Variants in CNTN4 observed in about 807,000 individuals in gnomAD.
CNTN4 encodes the protein contactin-4.
Under a neutral mutation model 122.5 loss-of-function variants are expected in CNTN4, and 77 were observed. The ratio of observed to expected loss-of-function variants is 0.63; its 90% CI spans 0.52 to 0.76. The LOEUF (loss-of-function observed/expected upper bound fraction) is 0.76. Ranked by LOEUF, CNTN4 falls within the 30% of genes least tolerant of loss-of-function variation. The pLI is 0.00. For synonymous variants in CNTN4, 512 were observed against 447.0 expected (o/e 1.15, Z -1.83); for missense variants, 1,256 against 1,259.1 (o/e 1.00, Z 0.04).
At chr3:2,109,232 A>G (rs968675211) in intron 2 of CNTN4, among the ~76,000 whole-genome samples, 1 of 152,162 alleles carries the variant, frequency 6.6e-6, no homozygotes, top group Non-Finnish European at 1.5e-5. Context: ...CCCTAAGTAC[A>G]TATTTTCATT....
chr3:2,477,711 A>G (rs1393404722), intron 3 of CNTN4, among the ~76,000 whole-genome samples: 6 of 152,198 alleles, frequency 3.9e-5, no homozygotes, highest in Admixed American at 3.9e-4. Flanking sequence ...TGCGGGGAGA[A>G]CACAGATGAT....
At chr3:2,827,682 A>G (rs775662016) in intron 7 of CNTN4, among the ~76,000 whole-genome samples, 1 of 152,202 alleles carries the variant, frequency 6.6e-6, no homozygotes, top group Non-Finnish European at 1.5e-5. Flanking sequence ...TTTACAGTTA[A>G]GGTAAACTCT....
At chr3:2,192,065 T>G (rs899518613) in intron 2 of CNTN4, among the ~76,000 whole-genome samples, 2 of 151,918 alleles carry the variant, frequency 1.3e-5, no homozygotes, top group Non-Finnish European at 2.9e-5. Context: ...GAACTCATCC[T>G]TTTTTATGGC....
intron 3 of CNTN4, among the ~76,000 whole-genome samples, chr3:2,475,704 T>A (rs2075817632): frequency 6.6e-6 from 1 of 152,174 alleles, no homozygotes; most frequent in Admixed American, 6.5e-5. Flanking sequence ...CTGCCCTATA[T>A]TAACAACAGT....
At chr3:2,656,040 G>C (rs2083572830) in intron 4 of CNTN4, among the ~76,000 whole-genome samples, 1 of 152,162 alleles carries the variant, frequency 6.6e-6, no homozygotes, top group Non-Finnish European at 1.5e-5. Context: ...GAATGGAAAA[G>C]ATAAGAATGT....
rs2093063814 is a variant in CNTN4, at chr3:2,829,782, A to G, written c.454+10201A>G. Among the ~76,000 whole-genome samples the G allele has an allele frequency of 2.0e-5, 3 of 152,356 alleles. No individual in the cohort carries two copies. The South Asian group carries it at 6.2e-4, about 32-fold the overall frequency. The stretch of plus-strand genomic sequence containing the variant: ...CGTTTCCTGGTCATAGAAAAATTAT[A>G]GTCTTTTTATAGCTGAGCTTCCAGT... On this transcript the variant is annotated intron_variant, in intron 7 of 24. Transcript: ENST00000418658.
chr3:2,565,223 G>A (rs1249757472), intron 3 of CNTN4, among the ~76,000 whole-genome samples: 1 of 152,090 alleles, frequency 6.6e-6, no homozygotes, highest in Non-Finnish European at 1.5e-5. Context: ...GGTCCCTTAT[G>A]TCTTCCCCTC....
chr3:3,040,867 C>T lies in CNTN4; in HGVS notation c.2398+596C>T, dbSNP rs11915199. ...ACTTGAACCCAGGAGGCGGAGGTTGCGGTGAGCCGAGATCGCACCACTGCA... is the reference window on the plus strand; with the variant it reads ...ACTTGAACCCAGGAGGCGGAGGTTGTGGTGAGCCGAGATCGCACCACTGCA... On this transcript the variant is annotated intron_variant, in intron 20 of 24. Transcript: ENST00000418658. 6.5e-3 allele frequency among the ~76,000 whole-genome samples: 985 copies of T among 151,552 alleles called. 12 individuals are homozygous for T. Among genetic ancestry groups the T allele is most frequent in the African/African-American group, 0.021 (879 of 41,250 alleles).
At chr3:3,047,674 A>C (rs1700808017) in intron 23 of CNTN4, among the ~76,000 whole-genome samples, 1 of 150,286 alleles carries the variant, frequency 6.7e-6, no homozygotes, top group Non-Finnish European at 1.5e-5. Context: ...AAGAGAAAGC[A>C]GGAAAGATCT....
rs150018321 is a variant in CNTN4 at position 2,155,465 on chromosome 3, A to T, written c.-145+54826A>T. On this transcript the variant is annotated intron_variant, in intron 2 of 24. Transcript: ENST00000418658. ...GATAAGAACAGAGGGCACCTACAAC[A>T]ATCTATGTATTACAGAACACAGCTC... is the stretch of plus-strand genomic sequence containing the variant. Among the ~76,000 whole-genome samples the T allele has an allele frequency of 7.8e-3, 1,178 of 151,964 alleles. 17 individuals are homozygous for T. The highest frequency in any genetic ancestry group is 0.027 in the African/African-American group (1,104 of 41,448).
chr3:2,360,738 ACT>A (rs1340727131), intron 3 of CNTN4, among the ~76,000 whole-genome samples: 4 of 152,028 alleles, frequency 2.6e-5, no homozygotes, highest in African/African-American at 9.7e-5. Flanking sequence ...TCTCGTGAGA[ACT>A]CTCTCACTAT....
At chr3:2,915,739 G>A (rs764035202) in intron 12 of CNTN4, among the ~76,000 whole-genome samples, 7 of 152,194 alleles carry the variant, frequency 4.6e-5, no homozygotes, top group Non-Finnish European at 8.8e-5. Flanking sequence ...CCTGAAGAGA[G>A]ATTTGCACAC....
intron 4 of CNTN4, among the ~76,000 whole-genome samples, chr3:2,646,613 G>C (rs560118786): frequency 6.6e-6 from 1 of 152,158 alleles, no homozygotes; most frequent in Non-Finnish European, 1.5e-5. Flanking sequence ...CTATTAGTAA[G>C]TGTAAGAGTG....
intron 4 of CNTN4, among the ~76,000 whole-genome samples, chr3:2,625,445 C>G (rs2082146913): frequency 6.6e-6 from 1 of 152,204 alleles, no homozygotes; most frequent in Non-Finnish European, 1.5e-5. Flanking sequence ...ACCATTAGCT[C>G]TGAAATTTCC....
rs982234636 is a variant in CNTN4 at position 2,832,595 on chromosome 3, T to A, written c.454+13014T>A. Reference sequence around the variant, plus strand: ...TATAGACAGAACAGCTGTATGTAAGTCTGGAGTGGAGAGGTTGTCAAAAGA... The same window carrying A: ...TATAGACAGAACAGCTGTATGTAAGACTGGAGTGGAGAGGTTGTCAAAAGA... On this transcript the variant is annotated intron_variant, in intron 7 of 24. Coordinates refer to ENST00000418658, the MANE Select transcript of CNTN4 (RefSeq NM_175607.3). Among the ~76,000 whole-genome samples the A allele has an allele frequency of 3.3e-5, 5 of 152,110 alleles. No individual in the cohort carries two copies. The South Asian group carries it at 1.0e-3, about 31-fold the overall frequency.
intron 3 of CNTN4, among the ~76,000 whole-genome samples, chr3:2,488,564 C>A (rs1440049061): frequency 6.6e-6 from 1 of 152,104 alleles, no homozygotes; most frequent in Non-Finnish European, 1.5e-5. Context: ...ACTGGAGGAA[C>A]TGGGTAAATC....
At chr3:2,731,535 T>G (rs547132214) in intron 4 of CNTN4, among the ~76,000 whole-genome samples, 1 of 152,212 alleles carries the variant, frequency 6.6e-6, no homozygotes, top group Non-Finnish European at 1.5e-5. Flanking sequence ...TCCACAAGAC[T>G]GTAGGTGAGC....
rs143287531 is a variant in CNTN4 at position 2,859,827 on chromosome 3, T to C, written c.455-6925T>C. ...TAAATTACTTTCAAGTTAAATTCCGTAACTTCCACCCACAATTTCTTAAAG... is the reference window on the plus strand; with the variant it reads ...TAAATTACTTTCAAGTTAAATTCCGCAACTTCCACCCACAATTTCTTAAAG... On this transcript the variant is annotated intron_variant, in intron 7 of 24. Coordinates refer to ENST00000418658, the MANE Select transcript of CNTN4 (RefSeq NM_175607.3). 9.8e-5 allele frequency among the ~76,000 whole-genome samples: 15 copies of C among 152,334 alleles called. No individual in the cohort carries two copies. The East Asian group carries it at 2.9e-3, about 29-fold the overall frequency.
At chr3:2,732,841 C>T (rs1244715902) in intron 4 of CNTN4, among the ~76,000 whole-genome samples, 1 of 152,112 alleles carries the variant, frequency 6.6e-6, no homozygotes, top group Non-Finnish European at 1.5e-5. Flanking sequence ...TCTTTGTGAG[C>T]CCAAATAGCT....
Sources: allele counts gnomAD v4.1 joint callset (sites outside exome capture counted in the v4.1 genomes callset), GRCh38; gene constraint gnomAD v4.1.1; transcripts MANE v1.5; gene names NCBI Gene and HGNC (gene_info 2026-07-23, HGNC 2026-07-21).